The following PRG4 variants were observed in gnomAD, a reference collection of about 807,000 sequenced individuals.
The protein encoded by PRG4 is proteoglycan 4.
Under a neutral mutation model 91.2 loss-of-function variants are expected in PRG4, and 61 were observed. The ratio of observed to expected loss-of-function variants is 0.67; its 90% CI spans 0.54 to 0.83. The LOEUF is 0.83. Ranked by LOEUF, PRG4 falls within the 40% of genes least tolerant of loss-of-function variation. The pLI, the probability that PRG4 is intolerant of heterozygous loss-of-function variation, is 0.00. For missense variants in PRG4, 1,564 were observed against 1,714.2 expected, an observed-to-expected ratio of 0.91 and a Z score of 1.55; for synonymous variants, 576 against 614.2, an observed-to-expected ratio of 0.94 and a Z score of 0.92.
rs763355573 is a variant in PRG4, at chr1:186,310,847, A to T, written c.3500-187A>T. Among the ~76,000 whole-genome samples the T allele has an allele frequency of 3.3e-5, 5 of 152,086 alleles. No individual in the cohort carries two copies. In the South Asian group the frequency reaches 1.0e-3, roughly 32 times the overall value. ...AGAAACTAGAAAACTAAAGTATCTC[A>T]AAGGTTATGCTAAATTTCGGACTTG... is the stretch of plus-strand genomic sequence containing the variant. On this transcript the variant is annotated intron_variant, in intron 8 of 12. Transcript: ENST00000445192.
In PRG4 at chr1:186,306,624, A is replaced by T. The variant is rs754685551; in HGVS notation, c.905A>T (p.Glu302Val). The change falls in exon 7 of 13, where the codon GAG becomes GTG. Residue 302 changes from glutamate to valine, a missense_variant. Around this residue, in one of 3 missense-constraint regions of PRG4, gnomAD observed 437 missense variants for 459.0 expected, o/e 0.95. Coordinates refer to ENST00000445192, the MANE Select transcript of PRG4 (RefSeq NM_005807.6). ...AAACAGACTTCAACTGATGGAAAAG[A>T]GAAGACTACTTCCGCTAAAGAGACA... ...TNKQTSTDGK[E>V]KTTSAKETQS... The T allele has an allele frequency of 1.2e-6, 2 of 1,613,592 alleles. No individual in the cohort carries two copies. Among genetic ancestry groups the T allele is most frequent in the Middle Eastern group, 1.7e-4 (1 of 6,058 alleles).
intron 8 of PRG4, among the ~76,000 whole-genome samples, chr1:186,310,135 TGG>T (rs33985418): frequency 0.03 from 2,616 of 86,366 alleles, 103 homozygotes; most frequent in African/African-American, 0.095. Flanking sequence ...TCATTTTTTT[TGG>T]GGGGGGGGGG....
At chr1:186,297,962 G>A (rs371381547) in intron 2 of PRG4, among the ~76,000 whole-genome samples, 4 of 152,192 alleles carry the variant, frequency 2.6e-5, no homozygotes, top group South Asian at 2.1e-4. Context: ...CGGCTTTCTC[G>A]TAACACTATG....
intron 6 of PRG4, 43 bp downstream of exon 6, chr1:186,304,965 T>C (rs748352961): frequency 1.3e-6 from 2 of 1,584,010 alleles, no homozygotes; most frequent in East Asian, 4.5e-5. Context: ...CAATGCCATA[T>C]TAACAATGAT....
chr1:186,304,376 A>G, intron 5 of PRG4, 119 bp downstream of exon 5: 1 of 1,205,508 alleles, frequency 8.3e-7, no homozygotes, highest in Non-Finnish European at 1.2e-6. Context: ...GAGCCTCATT[A>G]CACTCGAAGG....
chr1:186,312,708 C>G (rs1657360048), intron 11 of PRG4, 61 bp from the exon 12 acceptor site: 1 of 1,556,950 alleles, frequency 6.4e-7, no homozygotes, highest in African/African-American at 1.4e-5. Context: ...ATGTCTGGCT[C>G]TTTCCAAGAT....
At position 186,304,325 on chromosome 1, in the gene PRG4, C is replaced by A; in HGVS notation, c.469+68C>A. 9.3e-6 allele frequency: 14 copies of A among 1,503,330 alleles called. No individual in the cohort carries two copies. In the South Asian group the frequency reaches 1.6e-4, roughly 17 times the overall value. The allele number at this position is 1,503,330 out of a possible 1,614,324, so 93.1% of individuals were successfully genotyped here. ...AAGTAACTTGTAGGTGACTGCTTAT[C>A]TAAGCCCATTCTCAGAGAACAGGGT... On this transcript the variant is annotated intron_variant, in intron 5 of 12. Transcript: ENST00000445192.
At chr1:186,310,272 C>T (rs1657097047) in intron 8 of PRG4, among the ~76,000 whole-genome samples, 1 of 152,002 alleles carries the variant, frequency 6.6e-6, no homozygotes, top group African/African-American at 2.4e-5. Context: ...GTGTTACACT[C>T]TCTGTCGGAG....
At chr1:186,304,001 T>C in intron 4 of PRG4, 107 bp from the exon 5 acceptor site, 2 of 1,222,842 alleles carry the variant, frequency 1.6e-6, no homozygotes, top group East Asian at 4.7e-5. Context: ...CTGCACTGGC[T>C]GTCACCAGCA....
chr1:186,311,972 C>G (rs1425727950), intron 10 of PRG4: 1 of 569,734 alleles, frequency 1.8e-6, no homozygotes, highest in East Asian at 3.0e-5. Context: ...ATGTAATTTG[C>G]TGCATCTATT....
rs1428701366 is a variant in PRG4, at chr1:186,306,457, C to G, written c.738C>G (p.Val246=). 2 of 1,613,748 alleles carry G rather than the reference C, an allele frequency of 1.2e-6. No individual in the cohort carries two copies. Among genetic ancestry groups the G allele is most frequent in the South Asian group, 2.2e-5 (2 of 91,070 alleles). The change falls in exon 7 of 13, where the codon GTC becomes GTG. Residue 246 remains valine (V), a synonymous_variant. Coordinates refer to ENST00000445192, the MANE Select transcript of PRG4 (RefSeq NM_005807.6). ...PDTSTTQHNK[V]STSPKITTAK... ...CGTCTACCACCCAACACAATAAAGT[C>G]AGCACATCTCCCAAGATCACAACAG... is the stretch of plus-strand genomic sequence containing the variant.
chr1:186,308,945 A>T lies in PRG4; in HGVS notation c.3226A>T (p.Thr1076Ser), dbSNP rs1401663275. The change falls in exon 7 of 13, where the codon ACC (threonine) becomes TCC (serine). Residue 1076 changes from threonine (T) to serine (S), a missense_variant. Coordinates refer to ENST00000445192, the MANE Select transcript of PRG4 (RefSeq NM_005807.6). ...AATAGCAGAAGCCATGCTCCAAACC[A>T]CCACCAGACCTAACCAAACTCCAAA... ...SRIAEAMLQT[T>S]TRPNQTPNSK... 19 of 1,608,454 alleles carry T rather than the reference A, an allele frequency of 1.2e-5. No homozygotes were observed. The highest frequency in any genetic ancestry group is 1.7e-5 in the Admixed American group (1 of 58,848).
intron 2 of PRG4, among the ~76,000 whole-genome samples, chr1:186,299,557 T>G (rs1230211732): frequency 2.0e-5 from 3 of 152,230 alleles, no homozygotes; most frequent in African/African-American, 7.2e-5. Context: ...AAGAGTTCAC[T>G]ACAAATAATT....
intron 2 of PRG4, among the ~76,000 whole-genome samples, chr1:186,297,385 T>A (rs1357588773): frequency 6.6e-6 from 1 of 152,248 alleles, no homozygotes; most frequent in Non-Finnish European, 1.5e-5. Flanking sequence ...CATTTAGACA[T>A]AGATACCATA....
rs1436909975 is a variant in PRG4 at position 186,296,855 on chromosome 1, C to T, written c.-21C>T. On this transcript the variant is annotated 5_prime_UTR_variant, in exon 2 of 13. Transcript: ENST00000445192. Reference sequence around the variant, plus strand: ...TTTATTTTATTTTCAGCAAGGGTACCTACGGTACCTGAAAACAACGATGGC... The same window carrying T: ...TTTATTTTATTTTCAGCAAGGGTACTTACGGTACCTGAAAACAACGATGGC... The T allele has an allele frequency of 2.5e-6, 4 of 1,600,494 alleles. No individual in the cohort carries two copies. The highest frequency in any genetic ancestry group is 1.3e-5 in the African/African-American group (1 of 74,570).
At chr1:186,313,157 T>A in intron 12 of PRG4, 1 of 483,174 alleles carries the variant, frequency 2.1e-6, no homozygotes, top group Non-Finnish European at 3.8e-6. Context: ...ACAATAGTAT[T>A]TTACTTCTAT....
At position 186,307,270 on chromosome 1, in the gene PRG4, C is replaced by T. The variant is rs754975141; in HGVS notation, c.1551C>T (p.Thr517=). 1.1e-4 allele frequency: 168 copies of T among 1,598,438 alleles called. No individual in the cohort carries two copies. Among genetic ancestry groups the T allele is most frequent in the Non-Finnish European group, 1.4e-4 (161 of 1,174,706 alleles). The part of the protein sequence containing the change: ...APTTTKEPSP[T]TPKEPAPTTT... Reference sequence around the variant, plus strand: ...CCACCACCAAGGAGCCTTCACCCACCACTCCCAAGGAGCCTGCACCCACCA... The same window carrying T: ...CCACCACCAAGGAGCCTTCACCCACTACTCCCAAGGAGCCTGCACCCACCA... The change falls in exon 7 of 13, where the codon ACC becomes ACT. Residue 517 remains threonine (T), a synonymous_variant. Coordinates refer to ENST00000445192, the MANE Select transcript of PRG4 (RefSeq NM_005807.6).
rs977597377 is a variant in PRG4 at position 186,313,000 on chromosome 1, A to G, written c.4117+106A>G. On this transcript the variant is annotated intron_variant, in intron 12 of 12. Transcript: ENST00000445192. Reference sequence around the variant, plus strand: ...ATGATGACTGAATGTGAGAAGTTACACTACGGTACTTATTCTAATTGCTGT... The same window carrying G: ...ATGATGACTGAATGTGAGAAGTTACGCTACGGTACTTATTCTAATTGCTGT... The G allele has an allele frequency of 6.7e-6, 8 of 1,197,896 alleles. No homozygotes were observed. In the East Asian group the frequency reaches 1.9e-4, roughly 28 times the overall value. The allele number at this position is 1,197,896 out of a possible 1,614,324, so 74.2% of individuals were successfully genotyped here. A position where few individuals can be genotyped will look rare whatever the true frequency, so the allele number is the denominator to read the frequency against.
At chr1:186,296,589 C>T (rs1052915922) in intron 1 of PRG4, among the ~76,000 whole-genome samples, 3 of 152,178 alleles carry the variant, frequency 2.0e-5, no homozygotes, top group Non-Finnish European at 4.4e-5. Context: ...TAAGATAAGT[C>T]TATTCTATAT....
Sources: allele counts gnomAD v4.1 joint callset (sites outside exome capture counted in the v4.1 genomes callset), GRCh38; gene constraint gnomAD v4.1.1; regional missense constraint gnomAD v4.1.1; transcripts MANE v1.5; gene names NCBI Gene and HGNC (gene_info 2026-07-23, HGNC 2026-07-21).